Variants in HSDL2 observed in about 807,000 individuals in gnomAD.
HSDL2 encodes hydroxysteroid dehydrogenase-like protein 2.
In HSDL2, 27 loss-of-function variants were observed where a neutral mutation model predicts 46.3. The ratio of observed to expected loss-of-function variants is 0.58; its 90% CI spans 0.43 to 0.80. The LOEUF (loss-of-function observed/expected upper bound fraction) is 0.80. HSDL2 is among the 30% of genes least tolerant of loss of function. HSDL2 has a pLI of 0.00. For missense variants in HSDL2, 451 were observed against 502.7 expected, an observed-to-expected ratio of 0.90 and a Z score of 0.98; for synonymous variants, 153 against 163.6, an observed-to-expected ratio of 0.94 and a Z score of 0.50.
chr9:112,419,860 T>C (rs1832080566), intron 6 of HSDL2, among the ~76,000 whole-genome samples: 2 of 152,040 alleles, frequency 1.3e-5, no homozygotes, highest in African/African-American at 4.8e-5. Flanking sequence ...ATAAGATATA[T>C]AAAAATGAGG....
chr9:112,413,560 G>T (rs1163415367), intron 4 of HSDL2, among the ~76,000 whole-genome samples: 1 of 151,976 alleles, frequency 6.6e-6, no homozygotes, highest in East Asian at 1.9e-4. Context: ...GTAACTCACA[G>T]AACACATTTC....
At chr9:112,401,414 A>G (rs1359976830) in intron 1 of HSDL2, among the ~76,000 whole-genome samples, 1 of 140,184 alleles carries the variant, frequency 7.1e-6, no homozygotes, top group African/African-American at 2.6e-5. Context: ...CACACTCCAG[A>G]CTGGGCGACA....
rs766284521 is a variant in HSDL2 at position 112,454,130 on chromosome 9, C to T, written c.983C>T (p.Ala328Val). ...KDSLSDDVVKATQAIYLFELS... is the reference protein window; with the variant it reads ...KDSLSDDVVKVTQAIYLFELS... ...TCTCTCAGTGATGATGTTGTTAAAG[C>T]CACTCAAGCAATCTATCTGTTTGAA... Residue 328 changes from alanine (A) to valine (V), a missense_variant, in exon 9 of 11, where the codon GCC (alanine) becomes GTC (valine). Coordinates refer to ENST00000398805, the MANE Select transcript of HSDL2 (RefSeq NM_032303.5). 6.2e-7 allele frequency: 1 copy of T among 1,613,652 alleles called. No individual in the cohort carries two copies. The highest frequency in any genetic ancestry group is 8.5e-7 in the Non-Finnish European group (1 of 1,179,790).
intron 6 of HSDL2, among the ~76,000 whole-genome samples, chr9:112,427,179 C>T (rs369867721): frequency 1.4e-4 from 21 of 152,284 alleles, no homozygotes; most frequent in African/African-American, 4.3e-4. Flanking sequence ...CCCAGCCTCC[C>T]GAGTAGCTGG....
chr9:112,459,378 T>C, intron 9 of HSDL2, 71 bp from the exon 10 acceptor site: 2 of 1,490,882 alleles, frequency 1.3e-6, no homozygotes, highest in Non-Finnish European at 1.8e-6. Context: ...ATTATTCTAA[T>C]TGAAGTAATT....
intron 8 of HSDL2, among the ~76,000 whole-genome samples, chr9:112,448,777 G>C (rs555925965): frequency 6.6e-6 from 1 of 151,708 alleles, no homozygotes; most frequent in East Asian, 1.9e-4. Context: ...GGATGGTCTC[G>C]ATCTCCTGAC....
chr9:112,430,020 G>C (rs1832350094), intron 6 of HSDL2, among the ~76,000 whole-genome samples: 1 of 151,838 alleles, frequency 6.6e-6, no homozygotes, highest in Non-Finnish European at 1.5e-5. Flanking sequence ...GGAGTTCAAG[G>C]CTGCAGTGAG....
chr9:112,453,970 A>G lies in HSDL2; in HGVS notation c.866-43A>G, dbSNP rs753678838. On this transcript the variant is annotated intron_variant, in intron 8 of 10. Coordinates refer to ENST00000398805, the MANE Select transcript of HSDL2 (RefSeq NM_032303.5). Reference sequence around the variant, plus strand: ...TAATTAATTCTGTGTGGGGTCCTTCACTGCCAAGCATTAAGGTCATTTGCT... The same window carrying G: ...TAATTAATTCTGTGTGGGGTCCTTCGCTGCCAAGCATTAAGGTCATTTGCT... 21 of 1,584,872 alleles carry G rather than the reference A, an allele frequency of 1.3e-5. 1 individual carries two copies. In the South Asian group the frequency reaches 2.4e-4, roughly 18 times the overall value.
At chr9:112,413,897 T>A (rs951098640) in intron 4 of HSDL2, 1 of 164,948 alleles carries the variant, frequency 6.1e-6, no homozygotes, top group African/African-American at 2.4e-5. Context: ...TACTGCTGTG[T>A]CCGGTTTCCA....
chr9:112,383,607 C>T (rs546160396), intron 1 of HSDL2, among the ~76,000 whole-genome samples: 1 of 152,290 alleles, frequency 6.6e-6, no homozygotes, highest in South Asian at 2.1e-4. Context: ...AATTCTACCT[C>T]TGTTGTATAT....
At chr9:112,453,018 A>AG (rs1832925526) in intron 8 of HSDL2, among the ~76,000 whole-genome samples, 1 of 149,738 alleles carries the variant, frequency 6.7e-6, no homozygotes, top group Non-Finnish European at 1.5e-5. Context: ...TGAGACAGGG[A>AG]GAAGAAACTG....
chr9:112,416,947 AGGTGGTAGGTGGTAG>A lies in HSDL2; in HGVS notation c.499+8_499+22del. The A allele has an allele frequency of 7.5e-7, 1 of 1,341,918 alleles. No individual in the cohort carries two copies. Among genetic ancestry groups the A allele is most frequent in the Non-Finnish European group, 1.1e-6 (1 of 935,630 alleles). 83.1% of individuals were successfully genotyped at this position (1,341,918 alleles called of 1,614,324 possible). On this transcript the variant is annotated splice_donor_5th_base_variant and intron_variant, in intron 5 of 10. Transcript: ENST00000398805. ...AGTTTGGTTCAAACAGCACTGTGGT[AGGTGGTAGGTGGTAG>A]GGTGAGGGGATGGTTTGTGCTTAAT... is the stretch of plus-strand genomic sequence containing the variant.
intron 10 of HSDL2, among the ~76,000 whole-genome samples, chr9:112,464,831 C>T (rs1185607183): frequency 1.3e-5 from 2 of 152,118 alleles, no homozygotes; most frequent in African/African-American, 4.8e-5. Context: ...CCTCTATATC[C>T]CCACCTCTAC....
chr9:112,405,178 C>T (rs547044475), intron 2 of HSDL2, among the ~76,000 whole-genome samples: 24 of 152,076 alleles, frequency 1.6e-4, no homozygotes, highest in Non-Finnish European at 2.5e-4. Context: ...ATGGCAAAAC[C>T]GTGTCTCTAC....
rs1327575023 is a variant in HSDL2 at position 112,380,116 on chromosome 9, G to A, written c.-48G>A. Reference sequence around the variant, plus strand: ...AGGGACGGTCCAGCTTTAGCTCTCTGCTCGCCGCCGCCGCTGTCGCCGCCA... The same window carrying A: ...AGGGACGGTCCAGCTTTAGCTCTCTACTCGCCGCCGCCGCTGTCGCCGCCA... On this transcript the variant is annotated 5_prime_UTR_variant, in exon 1 of 11. Coordinates refer to ENST00000398805, the MANE Select transcript of HSDL2 (RefSeq NM_032303.5). 6.6e-7 allele frequency: 1 copy of A among 1,523,968 alleles called. No individual in the cohort carries two copies. The highest frequency in any genetic ancestry group is 1.9e-5 in the Admixed American group (1 of 51,324). The allele number at this position is 1,523,968 out of a possible 1,614,324, so 94.4% of individuals were successfully genotyped here. A position where few individuals can be genotyped will look rare whatever the true frequency, so the allele number is the denominator to read the frequency against.
At chr9:112,412,305 G>A (rs1488587657) in intron 4 of HSDL2, among the ~76,000 whole-genome samples, 1 of 152,166 alleles carries the variant, frequency 6.6e-6, no homozygotes, top group Non-Finnish European at 1.5e-5. Flanking sequence ...GGGTTTTCAT[G>A]ACATGAAATG....
intron 1 of HSDL2, among the ~76,000 whole-genome samples, chr9:112,401,622 T>G (rs1444289616): frequency 2.0e-5 from 3 of 151,776 alleles, no homozygotes; most frequent in Non-Finnish European, 2.9e-5. Context: ...GGCCATAGTT[T>G]GCAGACTGTT....
At chr9:112,437,020 A>G (rs1293771499) in intron 6 of HSDL2, among the ~76,000 whole-genome samples, 1 of 128,982 alleles carries the variant, frequency 7.8e-6, no homozygotes, top group African/African-American at 3.0e-5. Context: ...AGAACAGTGG[A>G]GTAATCTCAG....
intron 4 of HSDL2, among the ~76,000 whole-genome samples, chr9:112,414,701 C>T (rs1213341834): frequency 1.3e-5 from 2 of 152,108 alleles, no homozygotes; most frequent in Admixed American, 6.6e-5. Context: ...CTTGATGCTT[C>T]GAGTTGCAGT....
Sources: allele counts gnomAD v4.1 joint callset (sites outside exome capture counted in the v4.1 genomes callset), GRCh38; gene constraint gnomAD v4.1.1; transcripts MANE v1.5; gene names NCBI Gene and HGNC (gene_info 2026-07-23, HGNC 2026-07-21).